NAV1: variants seen among roughly 807,000 people sequenced by gnomAD.
NAV1 encodes the protein neuron navigator 1.
Under a neutral mutation model 175.2 loss-of-function variants are expected in NAV1, and 18 were observed. The ratio of observed to expected loss-of-function variants is 0.10; its 90% CI spans 0.07 to 0.15. The LOEUF (loss-of-function observed/expected upper bound fraction) is 0.15. Among genes scored for constraint, NAV1 ranks in the 10% least tolerant of loss-of-function variants. NAV1 has a pLI of 1.00. For synonymous variants in NAV1, 897 were observed against 978.7 expected (o/e 0.92, Z 1.56); for missense variants, 1,731 against 2,436.6 (o/e 0.71, Z 6.10).
chr1:201,591,001 C>T (rs553943683), intron 2 of NAV1, among the ~76,000 whole-genome samples: 2 of 152,314 alleles, frequency 1.3e-5, no homozygotes, highest in South Asian at 4.1e-4. Flanking sequence ...TAACCTTCTA[C>T]CTTTCTTTTT....
intron 1 of NAV1, among the ~76,000 whole-genome samples, chr1:201,667,915 C>T (rs947029089): frequency 5.3e-5 from 8 of 151,992 alleles, no homozygotes; most frequent in African/African-American, 1.7e-4. Context: ...CCTTGATGTT[C>T]CAGGGTGGAG....
At chr1:201,752,638 A>G (rs532080641) in intron 3 of NAV1, among the ~76,000 whole-genome samples, 1 of 152,152 alleles carries the variant, frequency 6.6e-6, no homozygotes, top group East Asian at 1.9e-4. Context: ...GCTCTGTAGA[A>G]ATGTAAAGAA....
At chr1:201,597,692 C>T (rs1667393949) in intron 2 of NAV1, among the ~76,000 whole-genome samples, 1 of 152,216 alleles carries the variant, frequency 6.6e-6, no homozygotes, top group Non-Finnish European at 1.5e-5. Flanking sequence ...GCCGGGTTTC[C>T]TCCCTCACAC....
chr1:201,643,570 G>A (rs570374687), upstream of NAV1, among the ~76,000 whole-genome samples: 19 of 151,564 alleles, frequency 1.3e-4, 1 homozygote, highest in South Asian at 3.8e-3. Context: ...TGCCACTATC[G>A]CCCAGCTAAT....
chr1:201,592,646 G>A (rs1475677728), intron 2 of NAV1, among the ~76,000 whole-genome samples: 2 of 152,092 alleles, frequency 1.3e-5, no homozygotes, highest in Admixed American at 6.6e-5. Flanking sequence ...GGGGGAGGTG[G>A]TCTTTGGATT....
chr1:201,771,927 A>T (rs944809091), intron 3 of NAV1, among the ~76,000 whole-genome samples: 3 of 152,232 alleles, frequency 2.0e-5, no homozygotes, highest in African/African-American at 7.2e-5. Context: ...CAAAGCAAGG[A>T]TTACATTTAT....
At chr1:201,682,218 G>T (rs1427163998) in intron 1 of NAV1, among the ~76,000 whole-genome samples, 1 of 152,084 alleles carries the variant, frequency 6.6e-6, no homozygotes, top group South Asian at 2.1e-4. Context: ...CCCGGGAGGC[G>T]GAGGTTGCAG....
intron 3 of NAV1, among the ~76,000 whole-genome samples, chr1:201,742,797 G>A (rs971003489): frequency 3.3e-5 from 5 of 152,070 alleles, no homozygotes; most frequent in Non-Finnish European, 5.9e-5. Flanking sequence ...GCTGCTTCTC[G>A]TTAGAGGATT....
intron 1 of NAV1, among the ~76,000 whole-genome samples, chr1:201,693,196 G>T (rs896348534): frequency 6.6e-6 from 1 of 152,256 alleles, no homozygotes; most frequent in African/African-American, 2.4e-5. Context: ...GGCATTCAAA[G>T]ATAAATAGCA....
intron 1 of NAV1, among the ~76,000 whole-genome samples, chr1:201,703,344 C>G (rs138376234): frequency 0.019 from 2,873 of 152,326 alleles, 92 homozygotes; most frequent in African/African-American, 0.066. Context: ...GAGCCCAGCC[C>G]GGAAGTCCAA....
At chr1:201,778,826 T>A (rs1012606905) in intron 3 of NAV1, among the ~76,000 whole-genome samples, 3 of 152,224 alleles carry the variant, frequency 2.0e-5, no homozygotes, top group African/African-American at 4.8e-5. Flanking sequence ...CATGTCTGAT[T>A]TTTGTTCCAT....
At chr1:201,580,498 A>T (rs676242) in intron 1 of NAV1, among the ~76,000 whole-genome samples, 8,104 of 152,276 alleles carry the variant, frequency 0.053, 513 homozygotes, top group East Asian at 0.16. Context: ...TTCAGCCAGG[A>T]GTGATGGCTC....
At chr1:201,753,863 C>T (rs968814156) in intron 3 of NAV1, among the ~76,000 whole-genome samples, 6 of 152,166 alleles carry the variant, frequency 3.9e-5, no homozygotes, top group African/African-American at 1.2e-4. Context: ...AAGAAGGGAC[C>T]AATAAAGTCC....
Position 201,808,248 on chromosome 1 carries a change from A to G in NAV1, c.3845+99A>G. 1 of 1,436,844 alleles carries G rather than the reference A, an allele frequency of 7.0e-7. No individual in the cohort carries two copies. The highest frequency in any genetic ancestry group is 9.6e-7 in the Non-Finnish European group (1 of 1,044,184). 89.0% of individuals were successfully genotyped at this position (1,436,844 alleles called of 1,614,324 possible). ...ATTAGACCTTAGACAAGCAGTACTTATTACTGACCTCTCCCTGGGCATATG... is the reference window on the plus strand; with the variant it reads ...ATTAGACCTTAGACAAGCAGTACTTGTTACTGACCTCTCCCTGGGCATATG... On this transcript the variant is annotated intron_variant, in intron 18 of 29. Transcript: ENST00000367296. The surrounding 1 kb of genome is among the most constrained non-coding windows in gnomAD (Gnocchi z 5.5).
chr1:201,753,430 T>A (rs780599379), intron 3 of NAV1, among the ~76,000 whole-genome samples: 15 of 152,232 alleles, frequency 9.9e-5, no homozygotes, highest in Non-Finnish European at 1.8e-4. Context: ...GGTGACCTTA[T>A]GTTTGACTAC....
intron 3 of NAV1, among the ~76,000 whole-genome samples, chr1:201,778,132 C>G (rs576289864): frequency 6.6e-6 from 1 of 152,244 alleles, no homozygotes; most frequent in African/African-American, 2.4e-5. Context: ...TATACTTCCT[C>G]ACTGCAGGAA....
At chr1:201,552,285 G>T (rs780247679) in intron 1 of NAV1, among the ~76,000 whole-genome samples, 7 of 152,218 alleles carry the variant, frequency 4.6e-5, no homozygotes, top group Non-Finnish European at 8.8e-5. Flanking sequence ...AAGTAGCTTA[G>T]TTGGGTCCTG....
At chr1:201,821,677 A>G (rs752788282) in exon 30 of NAV1, 1 of 152,228 alleles carries the variant, frequency 6.6e-6, no homozygotes, top group Non-Finnish European at 1.5e-5. Flanking sequence ...AGCCAGCTAG[A>G]AAGAAGCTTT....
In NAV1 at chr1:201,591,587, A is replaced by C. The variant is rs185251528; in HGVS notation, c.-33+2938A>C. 7.9e-5 allele frequency among the ~76,000 whole-genome samples: 12 copies of C among 152,350 alleles called. No individual in the cohort carries two copies. The East Asian group carries it at 2.1e-3, about 27-fold the overall frequency. On this transcript the variant is annotated intron_variant, in intron 2 of 33. Coordinates refer to the NAV1 transcript ENST00000685211. The stretch of plus-strand genomic sequence containing the variant: ...AAAATAAGTGTGTGTAAATGTATGC[A>C]GATGTATGCAAATCTCTGCAGTTCT...
Sources: gnomAD v4.1 joint callset for allele counts (sites outside exome capture counted in the v4.1 genomes callset) on GRCh38, gnomAD v4.1.1 for gene constraint, Gnocchi (gnomAD v3.1) non-coding constraint, MANE v1.5 for transcripts, NCBI Gene and HGNC (gene_info 2026-07-23, HGNC 2026-07-21) for gene names.